Variants in LIPC observed in about 807,000 individuals in gnomAD.
LIPC encodes hepatic triacylglycerol lipase.
In LIPC, 44 loss-of-function variants were observed where a neutral mutation model predicts 50.7. The observed-to-expected ratio is 0.87, with a 90% CI of 0.68 to 1.11. The LOEUF (loss-of-function observed/expected upper bound fraction) is 1.11. LIPC is among the 50% of genes most tolerant of loss of function. The pLI is 0.00. For missense variants in LIPC, 697 were observed against 648.2 expected (o/e 1.08, Z -0.82); for synonymous variants, 271 against 256.4 (o/e 1.06, Z -0.54).
intron 4 of LIPC, among the ~76,000 whole-genome samples, chr15:58,543,901 G>A (rs1372608644): frequency 6.6e-6 from 1 of 152,142 alleles, no homozygotes; most frequent in Non-Finnish European, 1.5e-5. Context: ...GATTACAGAC[G>A]TGAGCCACCA....
At chr15:58,483,059 A>C (rs900787348) in intron 1 of LIPC, among the ~76,000 whole-genome samples, 4 of 152,188 alleles carry the variant, frequency 2.6e-5, no homozygotes, top group Non-Finnish European at 5.9e-5. Flanking sequence ...GTTCAGGCTA[A>C]ACTATCTCCC....
At chr15:58,545,667 T>G (rs1595939202) in intron 4 of LIPC, 75 bp from the exon 5 acceptor site, 1 of 1,250,520 alleles carries the variant, frequency 8.0e-7, no homozygotes, top group East Asian at 2.4e-5. Flanking sequence ...TATAATAATA[T>G]CCAAAAGCTA....
At chr15:58,491,494 G>T (rs749717012) in intron 1 of LIPC, among the ~76,000 whole-genome samples, 1 of 152,146 alleles carries the variant, frequency 6.6e-6, no homozygotes, top group Non-Finnish European at 1.5e-5. Flanking sequence ...ACAATAAGAG[G>T]TGCTAAAGTT....
chr15:58,496,743 C>CAAAAAAAAAAAAAAAAAAAAAAAAAAAA lies in LIPC; in HGVS notation c.89-41573_89-41572insAAAAAAAAAAAAAAAAAAAAAAAAAAAA, dbSNP rs10716717. On this transcript the variant is annotated intron_variant, in intron 1 of 8. Transcript: ENST00000299022. ...GCCCTGCTACAGAAGTCTTCCCCCT[C>CAAAAAAAAAAAAAAAAAAAAAAAAAAAA]AAAAAAAAAAAAAAAAATTAAGATG... Among the ~76,000 whole-genome samples, 24 of 114,172 alleles carry CAAAAAAAAAAAAAAAAAAAAAAAAAAAA rather than the reference C, an allele frequency of 2.1e-4. 2 individuals are homozygous for CAAAAAAAAAAAAAAAAAAAAAAAAAAAA. Among genetic ancestry groups the CAAAAAAAAAAAAAAAAAAAAAAAAAAAA allele is most frequent in the East Asian group, 2.8e-4 (1 of 3,620 alleles). The allele number at this position is 114,172 out of a possible 152,430, so 74.9% of individuals were successfully genotyped here. A position where few individuals can be genotyped will look rare whatever the true frequency, so the allele number is the denominator to read the frequency against.
At chr15:58,462,342 A>G (rs1177457550) in intron 1 of LIPC, among the ~76,000 whole-genome samples, 1 of 152,186 alleles carries the variant, frequency 6.6e-6, no homozygotes, top group Non-Finnish European at 1.5e-5. Context: ...ACAAGAATAA[A>G]TGAACATCGG....
At chr15:58,470,893 G>C (rs1451803692) in intron 1 of LIPC, among the ~76,000 whole-genome samples, 1 of 152,128 alleles carries the variant, frequency 6.6e-6, no homozygotes, top group African/African-American at 2.4e-5. Context: ...AGTATGAGTA[G>C]ATAGAGGAAG....
Position 58,542,509 on chromosome 15 carries a change from C to T in LIPC, c.457-25C>T, listed in dbSNP as rs760504900. 5 of 1,478,750 alleles carry T rather than the reference C, an allele frequency of 3.4e-6. No homozygotes were observed. In the African/African-American group the frequency reaches 4.1e-5, roughly 12 times the overall value. The allele number at this position is 1,478,750 out of a possible 1,614,324, so 91.6% of individuals were successfully genotyped here. ...TTTCATCCAGGCAGCTCTTCTCCTG[C>T]CCCCATCCCGCTGCTGTCTTCCAGG... is the stretch of plus-strand genomic sequence containing the variant. On this transcript the variant is annotated intron_variant, in intron 3 of 8. Coordinates refer to ENST00000299022, the MANE Select transcript of LIPC (RefSeq NM_000236.3).
intron 5 of LIPC, among the ~76,000 whole-genome samples, chr15:58,548,069 G>A (rs769299326): frequency 1.3e-5 from 2 of 151,990 alleles, no homozygotes; most frequent in Non-Finnish European, 2.9e-5. Flanking sequence ...ACTGTAACAC[G>A]CTGTCATAAA....
chr15:58,491,502 G>T (rs1194277568), intron 1 of LIPC, among the ~76,000 whole-genome samples: 1 of 152,162 alleles, frequency 6.6e-6, no homozygotes. Context: ...AGGTGCTAAA[G>T]TTACTTTAAA....
chr15:58,545,867 A>T lies in LIPC; in HGVS notation c.700A>T (p.Ile234Phe), dbSNP rs1303650920. The change falls in exon 5 of 9, where the codon ATC becomes TTC. Residue 234 changes from isoleucine to phenylalanine, a missense_variant. Physicochemically the swap from Ile to Phe is conservative, Grantham distance 21. Coordinates refer to ENST00000299022, the MANE Select transcript of LIPC (RefSeq NM_000236.3). The stretch of plus-strand genomic sequence containing the variant: ...GGAGCACATGGGCCTGAGCGTGGGC[A>T]TCAAACAGCCCATAGGACACTATGA... ...TREHMGLSVG[I>F]KQPIGHYDFY... 1 of 1,614,064 alleles carries T rather than the reference A, an allele frequency of 6.2e-7. No homozygotes were observed. The highest frequency in any genetic ancestry group is 8.5e-7 in the Non-Finnish European group (1 of 1,180,030).
intron 1 of LIPC, among the ~76,000 whole-genome samples, chr15:58,469,630 G>C (rs1346083193): frequency 6.6e-6 from 1 of 152,238 alleles, no homozygotes; most frequent in East Asian, 1.9e-4. Context: ...ACAGGTAAGA[G>C]AACTGGGACC....
At chr15:58,468,451 C>A (rs968785936) in intron 1 of LIPC, among the ~76,000 whole-genome samples, 1 of 152,158 alleles carries the variant, frequency 6.6e-6, no homozygotes, top group African/African-American at 2.4e-5. Flanking sequence ...TTAGCAAGAT[C>A]TCCAGAAGAT....
intron 6 of LIPC, among the ~76,000 whole-genome samples, chr15:58,559,405 C>G (rs78884173): frequency 0.01 from 1,598 of 152,334 alleles, 22 homozygotes; most frequent in African/African-American, 0.034. Context: ...ATTGTCTAAA[C>G]AGGAAAGGCA....
chr15:58,548,337 C>A lies in LIPC; in HGVS notation c.816C>A (p.Thr272=). ...HIAQHGFNAI[T]QTIKCSHERS... Reference sequence around the variant, plus strand: ...TCTTGCCCTGTGTTCCAGCCATCACCCAGACCATAAAATGCTCCCACGAGC... The same window carrying A: ...TCTTGCCCTGTGTTCCAGCCATCACACAGACCATAAAATGCTCCCACGAGC... The change falls in exon 6 of 9, where the codon ACC becomes ACA. Residue 272 remains threonine (T), a synonymous_variant. Coordinates refer to ENST00000299022, the MANE Select transcript of LIPC (RefSeq NM_000236.3). 6.2e-7 allele frequency: 1 copy of A among 1,614,086 alleles called. No homozygotes were observed. Among genetic ancestry groups the A allele is most frequent in the Non-Finnish European group, 8.5e-7 (1 of 1,180,022 alleles).
At chr15:58,519,938 A>C (rs889811523) in intron 1 of LIPC, among the ~76,000 whole-genome samples, 1 of 152,110 alleles carries the variant, frequency 6.6e-6, no homozygotes, top group African/African-American at 2.4e-5. Flanking sequence ...GCTCCTTGCT[A>C]TCTTTTATTC....
chr15:58,476,861 G>C (rs1321287404), intron 1 of LIPC, among the ~76,000 whole-genome samples: 1 of 152,204 alleles, frequency 6.6e-6, no homozygotes, highest in African/African-American at 2.4e-5. Context: ...CCCTTAGTAG[G>C]GAGCTCAGAG....
intron 1 of LIPC, among the ~76,000 whole-genome samples, chr15:58,447,847 G>A (rs1439026466): frequency 6.6e-6 from 1 of 152,198 alleles, no homozygotes; most frequent in Non-Finnish European, 1.5e-5. Flanking sequence ...TTTCTTCAGT[G>A]AACTGGTAAT....
chr15:58,464,290 G>A (rs1894460686), intron 1 of LIPC, among the ~76,000 whole-genome samples: 2 of 152,160 alleles, frequency 1.3e-5, no homozygotes, highest in Admixed American at 1.3e-4. Context: ...AGGTGCGATG[G>A]ACACCTGTAG....
At chr15:58,536,292 C>T (rs563105090) in intron 1 of LIPC, among the ~76,000 whole-genome samples, 2 of 152,014 alleles carry the variant, frequency 1.3e-5, no homozygotes, top group South Asian at 2.1e-4. Context: ...AGCAGGAGAA[C>T]GAAAAGAGAG....
Sources: gnomAD v4.1 joint callset for allele counts (sites outside exome capture counted in the v4.1 genomes callset) on GRCh38, gnomAD v4.1.1 for gene constraint, MANE v1.5 for transcripts, NCBI Gene and HGNC (gene_info 2026-07-23, HGNC 2026-07-21) for gene names.